Variants in IGSF10 observed in about 807,000 individuals in gnomAD.
The protein encoded by IGSF10 is immunoglobulin superfamily member 10, also known as calvaria mechanical force protein 608.
In IGSF10, 126 loss-of-function variants were observed where a neutral mutation model predicts 128.2. That is an observed-to-expected ratio of 0.98 (90% CI 0.85 to 1.14). The LOEUF (loss-of-function observed/expected upper bound fraction) is 1.14. Ranked by LOEUF, IGSF10 falls within the 50% of genes most tolerant of loss-of-function variation. The probability of loss-of-function intolerance (pLI) is 0.00; values close to 1 mark genes in which losing one functional copy is unlikely to be tolerated. For missense variants in IGSF10, 3,295 were observed against 3,149.8 expected (o/e 1.05, Z -1.10); for synonymous variants, 1,185 against 1,146.2 (o/e 1.03, Z -0.68).
intron 1 of IGSF10, 107 bp from the exon 2 acceptor site, chr3:151,460,454 G>A (rs926069214): frequency 1.2e-5 from 2 of 170,986 alleles, no homozygotes; most frequent in Non-Finnish European, 2.3e-5. Context: ...CGCTTCCACA[G>A]CTTCAAAGTT....
chr3:151,478,035 TC>T, the IGSF10 span, among the ~76,000 whole-genome samples: 1 of 152,238 alleles, frequency 6.6e-6, no homozygotes, highest in Non-Finnish European at 1.5e-5. Context: ...TGCTGCCTTC[TC>T]CAGGGTGTGC....
At chr3:151,497,644 G>T in the IGSF10 span, among the ~76,000 whole-genome samples, 2 of 152,166 alleles carry the variant, frequency 1.3e-5, no homozygotes, top group South Asian at 4.1e-4. Flanking sequence ...GCTTAGGATT[G>T]ACTTGGTGAT....
the IGSF10 span, among the ~76,000 whole-genome samples, chr3:151,497,791 G>T: frequency 5.3e-5 from 8 of 152,092 alleles, no homozygotes; most frequent in Non-Finnish European, 1.2e-4. Flanking sequence ...TCACGATATT[G>T]ACTCTTCCTA....
At chr3:151,440,118 C>T (rs543885281) in intron 7 of IGSF10, among the ~76,000 whole-genome samples, 1 of 152,196 alleles carries the variant, frequency 6.6e-6, no homozygotes, top group East Asian at 1.9e-4. Context: ...GCAGTCTCAA[C>T]CTCCCAGGTT....
the IGSF10 span, among the ~76,000 whole-genome samples, chr3:151,594,115 G>A: frequency 9.2e-5 from 14 of 152,144 alleles, no homozygotes; most frequent in Non-Finnish European, 2.1e-4. Flanking sequence ...TTTCTATGTG[G>A]TCTGTACCAC....
chr3:151,528,923 C>A, the IGSF10 span, among the ~76,000 whole-genome samples: 67,240 of 151,136 alleles, frequency 0.44, 15,298 homozygotes, highest in South Asian at 0.55. Context: ...GGGTCCCACC[C>A]CCATGGAGCC....
the IGSF10 span, among the ~76,000 whole-genome samples, chr3:151,501,354 C>A: frequency 6.6e-6 from 1 of 151,924 alleles, no homozygotes; most frequent in Non-Finnish European, 1.5e-5. Flanking sequence ...CTCTCTGAAT[C>A]TTTTTTATAT....
chr3:151,587,260 C>T, the IGSF10 span, among the ~76,000 whole-genome samples: 2 of 152,112 alleles, frequency 1.3e-5, no homozygotes, highest in Admixed American at 1.3e-4. Context: ...CAGAGTATCA[C>T]GTCAGAATTT....
At chr3:151,499,559 C>T in the IGSF10 span, 3 of 152,062 alleles carry the variant, frequency 2.0e-5, no homozygotes, top group African/African-American at 7.2e-5. Flanking sequence ...TATAAACTCT[C>T]TATGAACAAG....
the IGSF10 span, among the ~76,000 whole-genome samples, chr3:151,561,996 C>A: frequency 6.6e-6 from 1 of 152,120 alleles, no homozygotes; most frequent in Non-Finnish European, 1.5e-5. Context: ...GGCGTTTGAA[C>A]CAGAGCAACT....
At chr3:151,459,404 A>C (rs910866040) in intron 2 of IGSF10, among the ~76,000 whole-genome samples, 1 of 152,186 alleles carries the variant, frequency 6.6e-6, no homozygotes, top group African/African-American at 2.4e-5. Context: ...ACTGGAAGGG[A>C]GAATAAATCT....
At chr3:151,494,557 C>T in the IGSF10 span, among the ~76,000 whole-genome samples, 1 of 151,984 alleles carries the variant, frequency 6.6e-6, no homozygotes, top group African/African-American at 2.4e-5. Context: ...ATTTTATGAG[C>T]AAATAATGTA....
chr3:151,437,253 G>C lies in IGSF10; in HGVS notation c.7308C>G (p.Thr2436=). ...LEIGQKPVIL[T]YAPGTVKGIS... ...TGCCTTTTACTGTCCCTGGTGCATA[G>C]GTAAGAATAACTGGCTTCTGGCCAA... Residue 2436 remains threonine (T), a synonymous_variant, in exon 8 of 8, where the codon ACC becomes ACG. Coordinates refer to ENST00000282466, the MANE Select transcript of IGSF10 (RefSeq NM_178822.5). 1 of 1,614,164 alleles carries C rather than the reference G, an allele frequency of 6.2e-7. No homozygotes were observed. Among genetic ancestry groups the C allele is most frequent in the Non-Finnish European group, 8.5e-7 (1 of 1,180,030 alleles).
chr3:151,591,132 T>G, the IGSF10 span, among the ~76,000 whole-genome samples: 1 of 152,210 alleles, frequency 6.6e-6, no homozygotes, highest in East Asian at 1.9e-4. Context: ...ACATTTCTCA[T>G]TCCCAAAATG....
the IGSF10 span, among the ~76,000 whole-genome samples, chr3:151,505,234 C>A: frequency 3.2e-4 from 49 of 152,232 alleles, no homozygotes; most frequent in South Asian, 7.3e-3. Flanking sequence ...AGGAAACTTA[C>A]AATCATGGTG....
chr3:151,455,363 T>C (rs200409729), intron 4 of IGSF10, among the ~76,000 whole-genome samples: 195 of 117,486 alleles, frequency 1.7e-3, no homozygotes, highest in Middle Eastern at 8.6e-3. Flanking sequence ...CTGCCCCCCC[T>C]TGGCCTCCCA....
chr3:151,536,038 C>G, the IGSF10 span, among the ~76,000 whole-genome samples: 1 of 152,106 alleles, frequency 6.6e-6, no homozygotes, highest in Non-Finnish European at 1.5e-5. Context: ...TCTTTGGAAG[C>G]TGCAATTTCT....
chr3:151,492,506 G>C, the IGSF10 span, among the ~76,000 whole-genome samples: 1 of 152,132 alleles, frequency 6.6e-6, no homozygotes, highest in African/African-American at 2.4e-5. Flanking sequence ...GGACTGTGGT[G>C]GGAGGATCAC....
At chr3:151,552,836 G>A in the IGSF10 span, among the ~76,000 whole-genome samples, 1 of 152,148 alleles carries the variant, frequency 6.6e-6, no homozygotes, top group East Asian at 1.9e-4. Context: ...GGGGTTAGGA[G>A]CAAAATGAAA....
Sources: gnomAD v4.1 joint callset for allele counts (sites outside exome capture counted in the v4.1 genomes callset) on GRCh38, gnomAD v4.1.1 for gene constraint, MANE v1.5 for transcripts, NCBI Gene and HGNC (gene_info 2026-07-23, HGNC 2026-07-21) for gene names.